PTPRN2: variants seen among roughly 807,000 people sequenced by gnomAD.
PTPRN2 encodes protein tyrosine phosphatase receptor type N2.
In PTPRN2, 74 loss-of-function variants were observed where a neutral mutation model predicts 118.8. The ratio of observed to expected loss-of-function variants is 0.62; its 90% CI spans 0.52 to 0.76. PTPRN2 has a LOEUF of 0.76. Among genes scored for constraint, PTPRN2 ranks in the 30% least tolerant of loss-of-function variants. PTPRN2 has a pLI of 0.00. For missense variants in PTPRN2, 1,481 were observed against 1,394.4 expected (o/e 1.06, Z -0.99); for synonymous variants, 641 against 608.0 (o/e 1.05, Z -0.80).
intron 2 of PTPRN2, among the ~76,000 whole-genome samples, chr7:158,425,100 T>C (rs1017636378): frequency 2.0e-5 from 3 of 152,256 alleles, no homozygotes; most frequent in African/African-American, 4.8e-5. Flanking sequence ...ATCATGTTCA[T>C]TGCTGCTAAG....
chr7:158,065,581 G>A (rs1156265883), intron 11 of PTPRN2, among the ~76,000 whole-genome samples: 2 of 152,272 alleles, frequency 1.3e-5, no homozygotes, highest in African/African-American at 4.8e-5. Context: ...CATCAGACCC[G>A]GGGGGAGGGC....
At chr7:157,962,486 A>G (rs964161790) in intron 11 of PTPRN2, among the ~76,000 whole-genome samples, 2 of 152,270 alleles carry the variant, frequency 1.3e-5, no homozygotes, top group Non-Finnish European at 2.9e-5. Context: ...GGACACCCTG[A>G]TCCAGGACAG....
chr7:157,569,878 C>T (rs1799674334), intron 20 of PTPRN2, among the ~76,000 whole-genome samples: 1 of 152,180 alleles, frequency 6.6e-6, no homozygotes, highest in Non-Finnish European at 1.5e-5. Context: ...TTCCGGAAAA[C>T]GAATAAATGT....
At chr7:157,641,685 GC>G (rs1804674929) in intron 14 of PTPRN2, among the ~76,000 whole-genome samples, 1 of 152,138 alleles carries the variant, frequency 6.6e-6, no homozygotes. Context: ...CTGTCCTCTT[GC>G]TCCAGAAGAG....
At chr7:158,541,634 A>G in intron 1 of PTPRN2, 3 of 1,348,466 alleles carry the variant, frequency 2.2e-6, no homozygotes, top group Non-Finnish European at 2.9e-6. Flanking sequence ...AGCTCTTTGC[A>G]AAATCTGGCT....
At chr7:158,409,017 A>C (rs1373416408) in intron 2 of PTPRN2, among the ~76,000 whole-genome samples, 1 of 152,222 alleles carries the variant, frequency 6.6e-6, no homozygotes. Context: ...AAAAAATCAA[A>C]AGATCATCCT....
At chr7:157,973,270 G>A (rs1353443035) in intron 11 of PTPRN2, among the ~76,000 whole-genome samples, 1 of 152,094 alleles carries the variant, frequency 6.6e-6, no homozygotes, top group Non-Finnish European at 1.5e-5. Context: ...TTAGTTCATG[G>A]GCTGATAGGA....
At chr7:158,177,202 C>T (rs745912415) in intron 5 of PTPRN2, among the ~76,000 whole-genome samples, 1 of 152,186 alleles carries the variant, frequency 6.6e-6, no homozygotes, top group African/African-American at 2.4e-5. Flanking sequence ...GCTTGCATTG[C>T]ATTCCCCCTA....
intron 2 of PTPRN2, among the ~76,000 whole-genome samples, chr7:158,395,780 C>CGAGGCGCGAGGGGA (rs1563241129): frequency 2.5e-5 from 1 of 39,408 alleles, no homozygotes; most frequent in Non-Finnish European, 5.1e-5. Flanking sequence ...GGGTGAGGCG[C>CGAGGCGCGAGGGGA]GAGGGGCGAG....
intron 8 of PTPRN2, 55 bp downstream of exon 8, chr7:158,136,600 A>G: frequency 6.4e-7 from 1 of 1,568,606 alleles, no homozygotes; most frequent in South Asian, 1.1e-5. Context: ...CATGAACAAA[A>G]AGATCACCAA....
intron 2 of PTPRN2, among the ~76,000 whole-genome samples, chr7:158,336,728 C>G (rs1472405486): frequency 7.0e-4 from 79 of 113,074 alleles, no homozygotes; most frequent in South Asian, 9.8e-4. Flanking sequence ...ACCAAAAGAG[C>G]TGACGCCCGC....
In PTPRN2 at chr7:158,038,470, A is replaced by G. The variant is rs185581753; in HGVS notation, c.1723+42828T>C. ...ATTTTTATGAAATCACTAGAGAAAGATGCCATGATGAAACCCAAAGACTTC... is the reference window on the plus strand; with the variant it reads ...ATTTTTATGAAATCACTAGAGAAAGGTGCCATGATGAAACCCAAAGACTTC... On this transcript the variant is annotated intron_variant, in intron 11 of 22. Coordinates refer to ENST00000389418, the MANE Select transcript of PTPRN2 (RefSeq NM_002847.5). Among the ~76,000 whole-genome samples, 3 of 152,278 alleles carry G rather than the reference A, an allele frequency of 2.0e-5. No individual in the cohort carries two copies. The East Asian group carries it at 5.8e-4, about 29-fold the overall frequency.
intron 12 of PTPRN2, among the ~76,000 whole-genome samples, chr7:157,894,620 A>C (rs1440834126): frequency 2.8e-5 from 4 of 142,786 alleles, no homozygotes; most frequent in African/African-American, 1.1e-4. Flanking sequence ...TTCCTGTGGA[A>C]GCTGAGAGCT....
At chr7:157,958,546 T>G (rs1222368858) in intron 11 of PTPRN2, among the ~76,000 whole-genome samples, 1 of 152,194 alleles carries the variant, frequency 6.6e-6, no homozygotes, top group Non-Finnish European at 1.5e-5. Flanking sequence ...TAGAATTTAT[T>G]AACAAATTTA....
chr7:157,890,288 G>C (rs1584959500), intron 12 of PTPRN2, among the ~76,000 whole-genome samples: 1 of 152,094 alleles, frequency 6.6e-6, no homozygotes, highest in South Asian at 2.1e-4. Context: ...TATCACATTT[G>C]GTCTTTATTT....
intron 15 of PTPRN2, among the ~76,000 whole-genome samples, chr7:157,613,435 G>T (rs1253220054): frequency 6.6e-6 from 1 of 152,184 alleles, no homozygotes; most frequent in Non-Finnish European, 1.5e-5. Flanking sequence ...TCAGCGTGTT[G>T]CGCCTCCCGC....
chr7:158,336,685 ACGCCCG>A (rs1805616319), intron 2 of PTPRN2, among the ~76,000 whole-genome samples: 2 of 121,824 alleles, frequency 1.6e-5, no homozygotes, highest in Non-Finnish European at 3.7e-5. Context: ...ATAAGAGCTG[ACGCCCG>A]CAGACGTCAC....
chr7:158,098,345 C>T (rs1003151108), intron 10 of PTPRN2, among the ~76,000 whole-genome samples: 1 of 152,200 alleles, frequency 6.6e-6, no homozygotes, highest in Non-Finnish European at 1.5e-5. Context: ...TCCAGATTCC[C>T]GAAGGCTCCG....
intron 2 of PTPRN2, among the ~76,000 whole-genome samples, chr7:158,412,905 CCCT>C (rs1280788318): frequency 1.4e-5 from 2 of 147,410 alleles, no homozygotes; most frequent in Admixed American, 6.7e-5. Context: ...CCATCCAGTG[CCCT>C]CCTCAACACC....
Sources: allele counts gnomAD v4.1 joint callset (sites outside exome capture counted in the v4.1 genomes callset), GRCh38; gene constraint gnomAD v4.1.1; transcripts MANE v1.5; gene names NCBI Gene and HGNC (gene_info 2026-07-23, HGNC 2026-07-21).